Variants in ROR1 observed in about 807,000 individuals in gnomAD.
The protein encoded by ROR1 is ROR family WNT receptor 1.
A neutral mutation model predicts 78.8 loss-of-function variants in ROR1; 19 were observed. That is an observed-to-expected ratio of 0.24 (90% CI 0.17 to 0.35). The LOEUF is 0.35. Ranked by LOEUF, ROR1 falls within the 10% of genes least tolerant of loss-of-function variation. The probability of loss-of-function intolerance (pLI) is 1.00; values close to 1 mark genes in which losing one functional copy is unlikely to be tolerated. For synonymous variants in ROR1, 386 were observed against 433.6 expected, an observed-to-expected ratio of 0.89 and a Z score of 1.36; for missense variants, 917 against 1,177.8, an observed-to-expected ratio of 0.78 and a Z score of 3.24.
chr1:64,023,189 G>T (rs1487045904), intron 2 of ROR1, among the ~76,000 whole-genome samples: 1 of 152,150 alleles, frequency 6.6e-6, no homozygotes, highest in Non-Finnish European at 1.5e-5. Context: ...TTGCAGTGGT[G>T]CTGAGTAACA....
chr1:63,945,586 G>A (rs185120723), intron 1 of ROR1, among the ~76,000 whole-genome samples: 12 of 152,060 alleles, frequency 7.9e-5, no homozygotes, highest in Non-Finnish European at 1.3e-4. Flanking sequence ...TGCCTGGATC[G>A]ACTTTCCCAC....
intron 1 of ROR1, among the ~76,000 whole-genome samples, chr1:63,811,792 T>G (rs187221727): frequency 6.6e-5 from 10 of 152,198 alleles, no homozygotes; most frequent in Non-Finnish European, 1.2e-4. Context: ...TGGCCTGTTT[T>G]GAGTTTTCCC....
intron 2 of ROR1, chr1:64,028,893 T>TA (rs1198452820): frequency 3.3e-5 from 5 of 152,152 alleles, no homozygotes; most frequent in Non-Finnish European, 1.5e-5. Flanking sequence ...TTCATTGTTT[T>TA]AAAAATATGG....
chr1:64,137,535 A>G, intron 5 of ROR1, 39 bp downstream of exon 5: 1 of 1,593,036 alleles, frequency 6.3e-7, no homozygotes, highest in South Asian at 1.1e-5. Context: ...TCCCTTGAAT[A>G]ACTATTTTTC....
At chr1:63,829,099 T>C (rs1029051996) in intron 1 of ROR1, among the ~76,000 whole-genome samples, 2 of 152,254 alleles carry the variant, frequency 1.3e-5, no homozygotes, top group Admixed American at 6.5e-5. Flanking sequence ...GTATACCTAG[T>C]GCCTAGAACA....
Position 64,180,819 on chromosome 1 carries a change from G to A in ROR1, c.*1964G>A, listed in dbSNP as rs150998250. ...CTAGGAGTCCCTTAAAGGGAAATTA[G>A]CATTCCATGAGCCAGTAAAATACCT... is the stretch of plus-strand genomic sequence containing the variant. On this transcript the variant is annotated 3_prime_UTR_variant, in exon 9 of 9. Coordinates refer to ENST00000371079, the MANE Select transcript of ROR1 (RefSeq NM_005012.4). 16 of 152,196 alleles carry A rather than the reference G, an allele frequency of 1.1e-4. No individual in the cohort carries two copies. In the East Asian group the frequency reaches 2.3e-3, roughly 22 times the overall value. 9.4% of individuals were successfully genotyped at this position (152,196 alleles called of 1,614,324 possible). A position where few individuals can be genotyped will look rare whatever the true frequency, so the allele number is the denominator to read the frequency against.
At chr1:64,158,442 C>T (rs978900718) in intron 7 of ROR1, among the ~76,000 whole-genome samples, 2 of 152,184 alleles carry the variant, frequency 1.3e-5, no homozygotes, top group Non-Finnish European at 2.9e-5. Flanking sequence ...CCCATATTCT[C>T]AGGCCAGTGG....
intron 1 of ROR1, among the ~76,000 whole-genome samples, chr1:63,813,135 A>C (rs1644870287): frequency 6.6e-6 from 1 of 152,192 alleles, no homozygotes; most frequent in Non-Finnish European, 1.5e-5. Context: ...GAAGTTACTC[A>C]TCATTAGAAG....
intron 4 of ROR1, among the ~76,000 whole-genome samples, chr1:64,098,797 C>A (rs1455016040): frequency 2.0e-5 from 3 of 152,108 alleles, no homozygotes; most frequent in African/African-American, 7.2e-5. Context: ...TGAAATAGAT[C>A]CTTTTAGACT....
chr1:64,068,979 C>G (rs941214230), intron 4 of ROR1, among the ~76,000 whole-genome samples: 11 of 152,196 alleles, frequency 7.2e-5, no homozygotes, highest in African/African-American at 2.6e-4. Context: ...TTTTTATATT[C>G]TATAAGCTAA....
intron 8 of ROR1, among the ~76,000 whole-genome samples, chr1:64,173,464 G>A (rs909023293): frequency 6.6e-6 from 1 of 152,152 alleles, no homozygotes; most frequent in Non-Finnish European, 1.5e-5. Context: ...GAGGTGGCAG[G>A]CCTCTCAGGC....
At chr1:64,153,357 A>T (rs1649679862) in intron 7 of ROR1, among the ~76,000 whole-genome samples, 1 of 152,078 alleles carries the variant, frequency 6.6e-6, no homozygotes. Context: ...TCCTAAAAAA[A>T]ATTAAAAATA....
At chr1:63,812,661 G>A (rs1275408172) in intron 1 of ROR1, among the ~76,000 whole-genome samples, 3 of 152,182 alleles carry the variant, frequency 2.0e-5, no homozygotes, top group Admixed American at 2.0e-4. Flanking sequence ...CTATGAAACA[G>A]GCAGTACTTA....
intron 2 of ROR1, among the ~76,000 whole-genome samples, chr1:64,019,096 C>T (rs1646544416): frequency 2.0e-5 from 3 of 152,106 alleles, no homozygotes; most frequent in Admixed American, 2.0e-4. Flanking sequence ...TGGTGTATAG[C>T]CTGTGATTTG....
rs117947342 is a variant in ROR1 at position 63,901,450 on chromosome 1, T to G, written c.92-107855T>G. On this transcript the variant is annotated intron_variant, in intron 1 of 8. Transcript: ENST00000371079. Reference sequence around the variant, plus strand: ...AGCTGTAATAGCAGTGTAATAGCACTGTGCTCAAGGGCCTGGAGTGTTCCT... The same window carrying G: ...AGCTGTAATAGCAGTGTAATAGCACGGTGCTCAAGGGCCTGGAGTGTTCCT... Among the ~76,000 whole-genome samples, 154 of 152,330 alleles carry G rather than the reference T, an allele frequency of 1.0e-3. 1 individual carries two copies. In the East Asian group the frequency reaches 0.025, roughly 25 times the overall value.
chr1:64,116,962 G>A (rs559239274), intron 4 of ROR1, among the ~76,000 whole-genome samples: 1 of 152,286 alleles, frequency 6.6e-6, no homozygotes, highest in Admixed American at 6.5e-5. Context: ...TGTCTCTCCA[G>A]AAACGTTACA....
At chr1:63,883,872 A>G (rs12081225) in intron 1 of ROR1, among the ~76,000 whole-genome samples, 6,424 of 152,188 alleles carry the variant, frequency 0.042, 425 homozygotes, top group African/African-American at 0.14. Context: ...ATGTGGCTAA[A>G]TGGGTTCCTG....
chr1:63,858,414 T>C (rs1302512866), intron 1 of ROR1, among the ~76,000 whole-genome samples: 1 of 152,218 alleles, frequency 6.6e-6, no homozygotes, highest in Non-Finnish European at 1.5e-5. Flanking sequence ...TTTCTCATTC[T>C]ACCTCTCAGC....
At chr1:63,860,888 C>G (rs1645177604) in intron 1 of ROR1, among the ~76,000 whole-genome samples, 1 of 151,840 alleles carries the variant, frequency 6.6e-6, no homozygotes. Flanking sequence ...ATAGACATGA[C>G]AAATCAGTTA....
Sources: allele counts gnomAD v4.1 joint callset (sites outside exome capture counted in the v4.1 genomes callset), GRCh38; gene constraint gnomAD v4.1.1; transcripts MANE v1.5; gene names NCBI Gene and HGNC (gene_info 2026-07-23, HGNC 2026-07-21).